TSPEAR: variants seen among roughly 807,000 people sequenced by gnomAD.
The protein encoded by TSPEAR is thrombospondin-type laminin G domain and EAR repeat-containing protein.
Under a neutral mutation model 71.6 loss-of-function variants are expected in TSPEAR, and 69 were observed. The ratio of observed to expected loss-of-function variants is 0.96; its 90% CI spans 0.79 to 1.18. The LOEUF (loss-of-function observed/expected upper bound fraction) is 1.18. TSPEAR is among the 50% of genes most tolerant of loss of function. The pLI is 0.00. For synonymous variants in TSPEAR, 402 were observed against 387.2 expected (o/e 1.04, Z -0.45); for missense variants, 971 against 894.9 (o/e 1.09, Z -1.09).
chr21:44,574,799 A>G (rs782108669), intron 1 of TSPEAR: 25 of 1,613,604 alleles, frequency 1.5e-5, no homozygotes, highest in East Asian at 4.5e-5. Flanking sequence ...GCTGCCAGCC[A>G]GCTTGCTGCA....
chr21:44,567,674 CAG>C, intron 2 of TSPEAR, 109 bp downstream of exon 2: 6 of 913,656 alleles, frequency 6.6e-6, no homozygotes, highest in Non-Finnish European at 9.3e-6. Flanking sequence ...CAGAGAAACC[CAG>C]AGAGTCCTTG....
chr21:44,545,476 C>A (rs192020343), intron 2 of TSPEAR, among the ~76,000 whole-genome samples: 1 of 152,274 alleles, frequency 6.6e-6, no homozygotes, highest in Non-Finnish European at 1.5e-5. Flanking sequence ...TTCTCAAGTT[C>A]ACATGGAACA....
intron 1 of TSPEAR, among the ~76,000 whole-genome samples, chr21:44,674,367 A>G (rs1337346023): frequency 6.6e-6 from 1 of 152,150 alleles, no homozygotes; most frequent in Non-Finnish European, 1.5e-5. Flanking sequence ...AGAAGACCCC[A>G]ATACACAAAA....
At position 44,567,781 on chromosome 21, in the gene TSPEAR, T is replaced by A; in HGVS notation, c.303+4A>T. Reference sequence around the variant, plus strand: ...TAACACGAAGTGCAGAAAGTGCCACTGACCTTGGGTGGAAGATTGGGAACT... The same window carrying A: ...TAACACGAAGTGCAGAAAGTGCCACAGACCTTGGGTGGAAGATTGGGAACT... On this transcript the variant is annotated splice_donor_region_variant and intron_variant, in intron 2 of 11. Coordinates refer to ENST00000323084, the MANE Select transcript of TSPEAR (RefSeq NM_144991.3). 6.4e-7 allele frequency: 1 copy of A among 1,554,258 alleles called. No homozygotes were observed. The highest frequency in any genetic ancestry group is 8.7e-7 in the Non-Finnish European group (1 of 1,147,604).
In TSPEAR at chr21:44,627,915, C is replaced by T. The variant is rs782090892; in HGVS notation, c.83-59910G>A. On this transcript the variant is annotated intron_variant, in intron 1 of 11. Transcript: ENST00000323084. ...GGCCCGCCTGCTGCGTGCCCGTCTCCTCCTGCTGTGCCCCCACCTCCTCCC... is the reference window on the plus strand; with the variant it reads ...GGCCCGCCTGCTGCGTGCCCGTCTCTTCCTGCTGTGCCCCCACCTCCTCCC... The T allele has an allele frequency of 5.9e-6, 9 of 1,520,298 alleles. No homozygotes were observed. In the Admixed American group the frequency reaches 1.2e-4, roughly 20 times the overall value. The allele number at this position is 1,520,298 out of a possible 1,614,324, so 94.2% of individuals were successfully genotyped here. A position where few individuals can be genotyped will look rare whatever the true frequency, so the allele number is the denominator to read the frequency against.
At chr21:44,503,959 CGGAG>C (rs1437253863) in intron 11 of TSPEAR, among the ~76,000 whole-genome samples, 6 of 134,958 alleles carry the variant, frequency 4.4e-5, no homozygotes, top group African/African-American at 1.5e-4. Context: ...GGGAGGAGGC[CGGAG>C]TTGGTGAGCC....
intron 1 of TSPEAR, among the ~76,000 whole-genome samples, chr21:44,669,629 C>A (rs893002343): frequency 6.6e-6 from 1 of 152,078 alleles, no homozygotes; most frequent in Non-Finnish European, 1.5e-5. Context: ...GGCTGAAAAC[C>A]GAGACCATGA....
intron 1 of TSPEAR, among the ~76,000 whole-genome samples, chr21:44,661,012 C>T (rs915299990): frequency 6.6e-6 from 1 of 151,988 alleles, no homozygotes; most frequent in Admixed American, 6.5e-5. Flanking sequence ...TATAAATAGG[C>T]CGGGCGCGGT....
At chr21:44,632,900 G>T (rs1601509749) in intron 1 of TSPEAR, among the ~76,000 whole-genome samples, 1 of 152,230 alleles carries the variant, frequency 6.6e-6, no homozygotes, top group Non-Finnish European at 1.5e-5. Context: ...AGTTTTGGTA[G>T]TTTGTATGTT....
chr21:44,651,292 G>C (rs1329602534), intron 1 of TSPEAR, among the ~76,000 whole-genome samples: 1 of 152,106 alleles, frequency 6.6e-6, no homozygotes, highest in Admixed American at 6.5e-5. Context: ...GACAGCTCAC[G>C]GCTGTGGCTG....
chr21:44,587,245 G>A (rs1555925813), intron 1 of TSPEAR, among the ~76,000 whole-genome samples: 5 of 152,238 alleles, frequency 3.3e-5, no homozygotes, highest in African/African-American at 9.6e-5. Context: ...TACACCAACA[G>A]CGACTAAGCT....
At position 44,657,120 on chromosome 21, in the gene TSPEAR, G is replaced by A. The variant is rs139417759; in HGVS notation, c.82+54313C>T. Among the ~76,000 whole-genome samples, 157 of 151,778 alleles carry A rather than the reference G, an allele frequency of 1.0e-3. 1 individual carries two copies. Among genetic ancestry groups the A allele is most frequent in the Non-Finnish European group, 1.4e-3 (95 of 67,922 alleles). ...ATGGCCACATTGTCTCCTCACAGAC[G>A]CCCCCCAGACCACCCACCAGCACCC... is the stretch of plus-strand genomic sequence containing the variant. On this transcript the variant is annotated intron_variant, in intron 1 of 11. Coordinates refer to ENST00000323084, the MANE Select transcript of TSPEAR (RefSeq NM_144991.3).
chr21:44,689,379 G>A (rs1292245294), intron 1 of TSPEAR, among the ~76,000 whole-genome samples: 3 of 151,702 alleles, frequency 2.0e-5, no homozygotes, highest in African/African-American at 7.3e-5. Context: ...GCGGGTGCCT[G>A]TAGTCCCAGC....
chr21:44,702,830 T>A, intron 1 of TSPEAR: 1 of 1,063,632 alleles, frequency 9.4e-7, no homozygotes, highest in Non-Finnish European at 1.4e-6. Context: ...CCAGCCAGGC[T>A]CAGGTTCCCC....
At chr21:44,592,580 A>C (rs1980059688) in intron 1 of TSPEAR, 3 of 1,516,648 alleles carry the variant, frequency 2.0e-6, no homozygotes, top group African/African-American at 2.8e-5. Flanking sequence ...CCCCGGGCCC[A>C]CAGCTTCCCC....
intron 1 of TSPEAR, among the ~76,000 whole-genome samples, chr21:44,690,274 G>A (rs186931835): frequency 3.9e-5 from 6 of 152,302 alleles, no homozygotes; most frequent in East Asian, 1.9e-4. Flanking sequence ...AATGATGAGC[G>A]GATGCACAAA....
Position 44,499,896 on chromosome 21 carries a change from G to T in TSPEAR, c.1897C>A (p.Pro633Thr), listed in dbSNP as rs782656991. ...TCCCAGTCCCTGCAGCCGACGGTGG[G>T]GAGGCTGTGCACCGCCACGAAGCCC... Reference protein sequence around the residue: ...YEGFVAVHSLPTVGCRDWEAF... With the variant: ...YEGFVAVHSLTTVGCRDWEAF... Residue 633 changes from proline (P) to threonine (T), a missense_variant, in exon 12 of 12, where the codon CCC becomes ACC. By Grantham distance (38) the Pro-to-Thr change is conservative (BLOSUM62 -1). Coordinates refer to ENST00000323084, the MANE Select transcript of TSPEAR (RefSeq NM_144991.3). The T allele has an allele frequency of 1.6e-5, 26 of 1,607,710 alleles. No individual in the cohort carries two copies. Among genetic ancestry groups the T allele is most frequent in the Non-Finnish European group, 2.0e-5 (24 of 1,178,184 alleles).
intron 1 of TSPEAR, chr21:44,697,881 G>T (rs201774066): frequency 6.2e-7 from 1 of 1,603,186 alleles, no homozygotes; most frequent in South Asian, 1.1e-5. Flanking sequence ...AGCTGCGGCC[G>T]CCTGGCCTCC....
chr21:44,566,155 G>C (rs1226690405), intron 2 of TSPEAR, among the ~76,000 whole-genome samples: 1 of 152,142 alleles, frequency 6.6e-6, no homozygotes, highest in Non-Finnish European at 1.5e-5. Flanking sequence ...ATTCCAGCCT[G>C]GGTGACAGAG....
Sources: gnomAD v4.1 joint callset for allele counts (sites outside exome capture counted in the v4.1 genomes callset) on GRCh38, gnomAD v4.1.1 for gene constraint, MANE v1.5 for transcripts, NCBI Gene and HGNC (gene_info 2026-07-23, HGNC 2026-07-21) for gene names.